Variants in ATP2A2 observed in about 807,000 individuals in gnomAD.
ATP2A2 encodes the protein ATPase sarcoplasmic/endoplasmic reticulum Ca2+ transporting 2.
Under a neutral mutation model 109.3 loss-of-function variants are expected in ATP2A2, and 14 were observed. The ratio of observed to expected loss-of-function variants is 0.13; its 90% CI spans 0.08 to 0.20. The LOEUF is 0.20. Ranked by LOEUF, ATP2A2 falls within the 10% of genes least tolerant of loss-of-function variation. The pLI is 1.00. For synonymous variants in ATP2A2, 506 were observed against 490.9 expected (o/e 1.03, Z -0.41); for missense variants, 657 against 1,321.6 (o/e 0.50, Z 7.80).
At position 110,282,282 on chromosome 12, in the gene ATP2A2, T is replaced by G. The variant is rs563723610; in HGVS notation, c.119-322T>G. ...GTTGGAAGGCCTCTGACCGTTCTTG[T>G]CCTACCCAAAGTTACACATCTGGCA... On this transcript the variant is annotated intron_variant, in intron 1 of 19. Coordinates refer to ENST00000539276, the MANE Select transcript of ATP2A2 (RefSeq NM_170665.4). 7.2e-5 allele frequency among the ~76,000 whole-genome samples: 11 copies of G among 152,296 alleles called. No homozygotes were observed. The South Asian group carries it at 2.3e-3, about 32-fold the overall frequency.
intron 8 of ATP2A2, among the ~76,000 whole-genome samples, chr12:110,328,588 GAC>G (rs1246970197): frequency 6.6e-6 from 1 of 152,094 alleles, no homozygotes; most frequent in Non-Finnish European, 1.5e-5. Context: ...AAAGAAAAAA[GAC>G]AAGGTCTCAT....
Position 110,327,579 on chromosome 12 carries a change from T to C in ATP2A2, c.657T>C (p.Ala219=), listed in dbSNP as rs549471747. 2 of 1,614,000 alleles carry C rather than the reference T, an allele frequency of 1.2e-6. No individual in the cohort carries two copies. The highest frequency in any genetic ancestry group is 1.7e-6 in the Non-Finnish European group (2 of 1,179,950). Reference sequence around the variant, plus strand: ...GTACAAACATTGCTGCTGGGAAAGCTATGGGAGTGGTGGTAGCAACTGGAG... The same window carrying C: ...GTACAAACATTGCTGCTGGGAAAGCCATGGGAGTGGTGGTAGCAACTGGAG... ...FSGTNIAAGK[A]MGVVVATGVN... The change falls in exon 8 of 20, where the codon GCT becomes GCC. Residue 219 remains alanine (A), a synonymous_variant. Coordinates refer to ENST00000539276, the MANE Select transcript of ATP2A2 (RefSeq NM_170665.4). The surrounding 1 kb of genome is among the most constrained non-coding windows in gnomAD (Gnocchi z 4.4).
In ATP2A2 at chr12:110,349,424, C is replaced by T. The variant is rs568220022; in HGVS notation, c.*2954C>T. ...TGTTGCCACCCCGTGCCTCCCTTGG[C>T]CTCTCTGAGCTTTGCCCAGAAGACC... is the stretch of plus-strand genomic sequence containing the variant. On this transcript the variant is annotated 3_prime_UTR_variant, in exon 20 of 20. Coordinates refer to ENST00000539276, the MANE Select transcript of ATP2A2 (RefSeq NM_170665.4). The T allele has an allele frequency of 7.1e-6, 7 of 985,536 alleles. No individual in the cohort carries two copies. In the African/African-American group the frequency reaches 1.0e-4, roughly 15 times the overall value. 61.0% of individuals were successfully genotyped at this position (985,536 alleles called of 1,614,324 possible).
At chr12:110,296,409 G>A (rs1261928634) in intron 4 of ATP2A2, 190 bp from the exon 5 acceptor site, 9 of 724,010 alleles carry the variant, frequency 1.2e-5, no homozygotes, top group Non-Finnish European at 1.6e-5. Flanking sequence ...GGTACTTAAC[G>A]TTTCGTTTTT....
Position 110,350,090 on chromosome 12 carries a change from G to A in ATP2A2, c.*3620G>A. Reference sequence around the variant, plus strand: ...GACGACACGAGGAGTCTGTGTCACTGAGCCAGTGCTTCTAGATGCTACCCT... The same window carrying A: ...GACGACACGAGGAGTCTGTGTCACTAAGCCAGTGCTTCTAGATGCTACCCT... On this transcript the variant is annotated 3_prime_UTR_variant, in exon 20 of 20. Coordinates refer to ENST00000539276, the MANE Select transcript of ATP2A2 (RefSeq NM_170665.4). 1 of 1,458,294 alleles carries A rather than the reference G, an allele frequency of 6.9e-7. No individual in the cohort carries two copies. The highest frequency in any genetic ancestry group is 9.0e-7 in the Non-Finnish European group (1 of 1,110,344). The allele number at this position is 1,458,294 out of a possible 1,614,324, so 90.3% of individuals were successfully genotyped here.
At chr12:110,317,016 T>G (rs903973395) in intron 5 of ATP2A2, among the ~76,000 whole-genome samples, 3 of 152,162 alleles carry the variant, frequency 2.0e-5, no homozygotes, top group Admixed American at 6.5e-5. Flanking sequence ...ACCACAGTAG[T>G]ATAATGGGGT....
At chr12:110,287,571 T>G (rs1872789123) in intron 3 of ATP2A2, among the ~76,000 whole-genome samples, 1 of 152,132 alleles carries the variant, frequency 6.6e-6, no homozygotes, top group Non-Finnish European at 1.5e-5. Flanking sequence ...GCAGTGGTCT[T>G]CTCTTTTACT....
At position 110,296,723 on chromosome 12, in the gene ATP2A2, T is replaced by C; in HGVS notation, c.449T>C (p.Ile150Thr). ...IKAKDIVPGD[I>T]VEIAVGDKVP... ...GCTAAAGACATAGTTCCTGGTGATA[T>C]TGTAGAAATTGCTGGTGAGTTGAGT... Residue 150 changes from isoleucine to threonine, a missense_variant, in exon 5 of 20, where the codon ATT (isoleucine) becomes ACT (threonine). By Grantham distance (89) the Ile-to-Thr change is moderately conservative. Transcript: ENST00000539276. 6.2e-7 allele frequency: 1 copy of C among 1,613,820 alleles called. No homozygotes were observed. The highest frequency in any genetic ancestry group is 8.5e-7 in the Non-Finnish European group (1 of 1,179,904).
At chr12:110,326,554 C>A in intron 7 of ATP2A2, 79 bp downstream of exon 7, 2 of 1,254,174 alleles carry the variant, frequency 1.6e-6, no homozygotes, top group Non-Finnish European at 2.3e-6. Context: ...CACTGCCAAC[C>A]ATCACTGGCT....
At position 110,348,249 on chromosome 12, in the gene ATP2A2, C is replaced by CCACTT. The variant is rs1880069876; in HGVS notation, c.*1781_*1785dup. ...TATCGATAGGTTCGTCTTAAATAGG[C>CCACTT]CACTTCCCCACTCCCCCACCCCCCC... On this transcript the variant is annotated 3_prime_UTR_variant, in exon 20 of 20. Transcript: ENST00000539276. 2 of 985,264 alleles carry CCACTT rather than the reference C, an allele frequency of 2.0e-6. No individual in the cohort carries two copies. Among genetic ancestry groups the CCACTT allele is most frequent in the Non-Finnish European group, 2.4e-6 (2 of 829,906 alleles). 61.0% of individuals were successfully genotyped at this position (985,264 alleles called of 1,614,324 possible). A position where few individuals can be genotyped will look rare whatever the true frequency, so the allele number is the denominator to read the frequency against.
chr12:110,338,025 G>A (rs915819456), intron 11 of ATP2A2, among the ~76,000 whole-genome samples: 1 of 152,140 alleles, frequency 6.6e-6, no homozygotes. Context: ...GCTGTCACTC[G>A]CTCCCTCTTT....
In ATP2A2 at chr12:110,347,686, C is replaced by T. The variant is rs546790221; in HGVS notation, c.*1216C>T. The stretch of plus-strand genomic sequence containing the variant: ...TAACCACCACCACCGTTACTACGAT[C>T]AATGTTTGCGCATGTTCGAGATGAG... On this transcript the variant is annotated 3_prime_UTR_variant, in exon 20 of 20. Transcript: ENST00000539276. 6.0e-6 allele frequency: 7 copies of T among 1,172,256 alleles called. No homozygotes were observed. In the East Asian group the frequency reaches 3.0e-4, roughly 50 times the overall value. 72.6% of individuals were successfully genotyped at this position (1,172,256 alleles called of 1,614,324 possible). A position where few individuals can be genotyped will look rare whatever the true frequency, so the allele number is the denominator to read the frequency against.
At position 110,332,695 on chromosome 12, in the gene ATP2A2, C is replaced by T; in HGVS notation, c.1184+10C>T. 6.3e-7 allele frequency: 1 copy of T among 1,587,430 alleles called. No individual in the cohort carries two copies. Among genetic ancestry groups the T allele is most frequent in the Non-Finnish European group, 8.7e-7 (1 of 1,155,864 alleles). ...CACCTATTGGAGAAGTGTGAGTAAC[C>T]CTCCTCCTCATTTAAAGGATCTGGT... On this transcript the variant is annotated intron_variant, in intron 9 of 19. Transcript: ENST00000539276.
chr12:110,325,627 C>CA (rs902274593), intron 6 of ATP2A2, among the ~76,000 whole-genome samples: 240 of 121,850 alleles, frequency 2.0e-3, no homozygotes, highest in Middle Eastern at 8.8e-3. Context: ...GACTCCGTCT[C>CA]AAAAAAAAAA....
In ATP2A2 at chr12:110,350,244, T is replaced by G. The variant is rs924529816; in HGVS notation, c.*3774T>G. On this transcript the variant is annotated 3_prime_UTR_variant, in exon 20 of 20. Coordinates refer to ENST00000539276, the MANE Select transcript of ATP2A2 (RefSeq NM_170665.4). Reference sequence around the variant, plus strand: ...CTATTTAAATAGGTATTCTAACGTTTCCTCTCTGTATTTCATGAAGCTGAT... The same window carrying G: ...CTATTTAAATAGGTATTCTAACGTTGCCTCTCTGTATTTCATGAAGCTGAT... 1.8e-5 allele frequency: 29 copies of G among 1,614,186 alleles called. No homozygotes were observed. The highest frequency in any genetic ancestry group is 2.4e-5 in the Non-Finnish European group (28 of 1,180,018).
intron 9 of ATP2A2, 80 bp downstream of exon 9, chr12:110,332,765 T>G (rs1878472499): frequency 6.5e-6 from 8 of 1,230,880 alleles, no homozygotes; most frequent in Non-Finnish European, 9.6e-6. Context: ...GTCTACAAAG[T>G]TAAGACAGCT....
chr12:110,317,588 G>C (rs1876804290), intron 5 of ATP2A2, among the ~76,000 whole-genome samples: 1 of 152,030 alleles, frequency 6.6e-6, no homozygotes, highest in Non-Finnish European at 1.5e-5. Context: ...ATGTTGGCCA[G>C]GCTGGTCTCA....
intron 6 of ATP2A2, among the ~76,000 whole-genome samples, chr12:110,324,996 T>A (rs1877635207): frequency 6.6e-6 from 1 of 151,580 alleles, no homozygotes; most frequent in Non-Finnish European, 1.5e-5. Flanking sequence ...GTATTTTTAG[T>A]AGAGATAGGG....
At chr12:110,333,933 G>A in intron 10 of ATP2A2, 79 bp from the exon 11 acceptor site, 1 of 1,587,146 alleles carries the variant, frequency 6.3e-7, no homozygotes, top group Non-Finnish European at 8.6e-7. Flanking sequence ...TTGTGCTTTT[G>A]TGGAAAAAAA....
Sources: gnomAD v4.1 joint callset for allele counts (sites outside exome capture counted in the v4.1 genomes callset) on GRCh38, gnomAD v4.1.1 for gene constraint, Gnocchi (gnomAD v3.1) non-coding constraint, MANE v1.5 for transcripts, NCBI Gene and HGNC (gene_info 2026-07-23, HGNC 2026-07-21) for gene names.